CNTN5: variants seen among roughly 807,000 people sequenced by gnomAD.
The protein encoded by CNTN5 is contactin 5.
A neutral mutation model predicts 129.1 loss-of-function variants in CNTN5; 77 were observed. That is an observed-to-expected ratio of 0.60 (90% CI 0.50 to 0.72). The LOEUF (loss-of-function observed/expected upper bound fraction) is 0.72, where lower values mean the gene tolerates loss of function less well. CNTN5 is among the 30% of genes least tolerant of loss of function. The probability of loss-of-function intolerance (pLI) is 0.00; values close to 1 mark genes in which losing one functional copy is unlikely to be tolerated. For synonymous variants in CNTN5, 509 were observed against 465.6 expected, an observed-to-expected ratio of 1.09 and a Z score of -1.20; for missense variants, 1,478 against 1,328.8, an observed-to-expected ratio of 1.11 and a Z score of -1.75.
At chr11:99,110,233 A>T (rs1265515098) in intron 1 of CNTN5, among the ~76,000 whole-genome samples, 1 of 152,138 alleles carries the variant, frequency 6.6e-6, no homozygotes, top group Non-Finnish European at 1.5e-5. Context: ...AGACAGAGAG[A>T]AAAGCATATG....
chr11:99,853,916 T>A (rs1947953674), intron 6 of CNTN5, among the ~76,000 whole-genome samples: 1 of 152,192 alleles, frequency 6.6e-6, no homozygotes, highest in African/African-American at 2.4e-5. Flanking sequence ...TAGCTCCAAA[T>A]CAAATCTAAC....
At chr11:99,203,434 T>C (rs1011299012) in intron 1 of CNTN5, among the ~76,000 whole-genome samples, 1 of 152,198 alleles carries the variant, frequency 6.6e-6, no homozygotes, top group African/African-American at 2.4e-5. Context: ...ATAAGGATTT[T>C]TCACTTGTAT....
At chr11:99,689,525 AAAAAG>A (rs1953946364) in intron 3 of CNTN5, among the ~76,000 whole-genome samples, 2 of 132,888 alleles carry the variant, frequency 1.5e-5, no homozygotes, top group African/African-American at 5.7e-5. Context: ...AGACTCCTCA[AAAAAG>A]AAAAAAAAAA....
chr11:99,888,146 A>G (rs1380158726), intron 6 of CNTN5, among the ~76,000 whole-genome samples: 3 of 152,104 alleles, frequency 2.0e-5, no homozygotes, highest in African/African-American at 7.2e-5. Flanking sequence ...GCACATATTT[A>G]TGCTCATTAT....
intron 1 of CNTN5, among the ~76,000 whole-genome samples, chr11:99,227,683 T>C (rs1860765232): frequency 6.6e-6 from 1 of 152,204 alleles, no homozygotes; most frequent in Non-Finnish European, 1.5e-5. Context: ...TAATATAAAA[T>C]GTATCGTTTG....
chr11:99,658,203 G>C (rs938994099), intron 3 of CNTN5, among the ~76,000 whole-genome samples: 1 of 152,044 alleles, frequency 6.6e-6, no homozygotes, highest in Non-Finnish European at 1.5e-5. Context: ...AGCAGAGCAA[G>C]GTAAGTGGAT....
chr11:99,324,251 C>T (rs1474571623), intron 1 of CNTN5, among the ~76,000 whole-genome samples: 1 of 152,102 alleles, frequency 6.6e-6, no homozygotes, highest in African/African-American at 2.4e-5. Flanking sequence ...TCCCTGGACT[C>T]TTGGTAGTAT....
At chr11:99,095,674 C>T (rs11218380) in intron 1 of CNTN5, among the ~76,000 whole-genome samples, 4,755 of 151,822 alleles carry the variant, frequency 0.031, 249 homozygotes, top group African/African-American at 0.11. Flanking sequence ...GTGGTAGAAG[C>T]TTATATGCAT....
chr11:99,108,205 T>C (rs1276702496), intron 1 of CNTN5, among the ~76,000 whole-genome samples: 1 of 152,184 alleles, frequency 6.6e-6, no homozygotes, highest in Non-Finnish European at 1.5e-5. Flanking sequence ...TGTAAAAGTT[T>C]GCCCTTCACC....
intron 9 of CNTN5, among the ~76,000 whole-genome samples, chr11:100,052,255 T>C (rs542018516): frequency 6.6e-6 from 1 of 151,940 alleles, no homozygotes; most frequent in Admixed American, 6.6e-5. Context: ...CTACAAAAAG[T>C]CAATATTCAG....
At chr11:99,689,313 G>A (rs1953930798) in intron 3 of CNTN5, among the ~76,000 whole-genome samples, 1 of 151,890 alleles carries the variant, frequency 6.6e-6, no homozygotes, top group African/African-American at 2.4e-5. Context: ...AGATCACAAG[G>A]TCAGGAGATC....
chr11:99,332,925 G>A (rs1015375442), intron 2 of CNTN5, among the ~76,000 whole-genome samples: 2 of 152,132 alleles, frequency 1.3e-5, no homozygotes, highest in Non-Finnish European at 1.5e-5. Context: ...TAGCGCAACC[G>A]TATTTCTTTT....
chr11:99,403,248 C>T (rs1941912956), intron 2 of CNTN5, among the ~76,000 whole-genome samples: 1 of 152,140 alleles, frequency 6.6e-6, no homozygotes, highest in African/African-American at 2.4e-5. Context: ...GATCTGCCTG[C>T]CTCAACCTTC....
Position 99,433,371 on chromosome 11 carries a change from A to AAATGTGTGTG in CNTN5, c.-71+107887_-71+107888insAATGTGTGTG, listed in dbSNP as rs1555143805. Among the ~76,000 whole-genome samples, 692 of 140,880 alleles carry AAATGTGTGTG rather than the reference A, an allele frequency of 4.9e-3. 2 individuals are homozygous for AAATGTGTGTG. The highest frequency in any genetic ancestry group is 0.011 in the East Asian group (55 of 4,944). 92.4% of individuals were successfully genotyped at this position (140,880 alleles called of 152,430 possible). A position where few individuals can be genotyped will look rare whatever the true frequency, so the allele number is the denominator to read the frequency against. ...TTGTAGTTTATCTGGTAAAAAAAAA[A>AAATGTGTGTG]TGTGTGTGTGTGTGTGTGTGTGTGT... On this transcript the variant is annotated intron_variant, in intron 2 of 24. Transcript: ENST00000524871.
intron 21 of CNTN5, chr11:100,337,087 A>G: frequency 7.5e-7 from 1 of 1,336,094 alleles, no homozygotes; most frequent in Non-Finnish European, 1.1e-6. Context: ...TCTTGTAGGG[A>G]TCATCAGACA....
At chr11:99,862,260 A>T (rs1379597239) in intron 6 of CNTN5, among the ~76,000 whole-genome samples, 1 of 152,134 alleles carries the variant, frequency 6.6e-6, no homozygotes, top group Non-Finnish European at 1.5e-5. Context: ...TTAATAATAC[A>T]TTCACTTTTA....
At chr11:99,307,060 G>A (rs537317213) in intron 1 of CNTN5, among the ~76,000 whole-genome samples, 20 of 152,074 alleles carry the variant, frequency 1.3e-4, no homozygotes, top group South Asian at 8.3e-4. Context: ...ATACAGATTC[G>A]TTTTGATCCC....
At chr11:99,102,666 A>C (rs968753867) in intron 1 of CNTN5, among the ~76,000 whole-genome samples, 1 of 152,066 alleles carries the variant, frequency 6.6e-6, no homozygotes. Flanking sequence ...TTTGAGACGA[A>C]CTCAGCCTGG....
rs1462894704 is a variant in CNTN5, at chr11:99,560,527, GT to G, written c.55+4259del. On this transcript the variant is annotated intron_variant, in intron 3 of 24. Transcript: ENST00000524871. ...GCTGGTCTCAAATTCCCAACCTCAGGTGATCCGCCTGCCTCGGCCTCCCAAA... is the reference window on the plus strand; with the variant it reads ...GCTGGTCTCAAATTCCCAACCTCAGGGATCCGCCTGCCTCGGCCTCCCAAA... Among the ~76,000 whole-genome samples the G allele has an allele frequency of 3.9e-5, 6 of 152,016 alleles. No individual in the cohort carries two copies. In the East Asian group the frequency reaches 1.2e-3, roughly 29 times the overall value.
Sources: gnomAD v4.1 joint callset for allele counts (sites outside exome capture counted in the v4.1 genomes callset) on GRCh38, gnomAD v4.1.1 for gene constraint, MANE v1.5 for transcripts, NCBI Gene and HGNC (gene_info 2026-07-23, HGNC 2026-07-21) for gene names.